CDH20: variants seen among roughly 807,000 people sequenced by gnomAD.
CDH20 encodes the protein cadherin-20.
A neutral mutation model predicts 74.2 loss-of-function variants in CDH20; 29 were observed. The ratio of observed to expected loss-of-function variants is 0.39; its 90% confidence interval spans 0.29 to 0.53. CDH20 has a LOEUF of 0.53. Ranked by LOEUF, CDH20 falls within the 20% of genes least tolerant of loss-of-function variation. The pLI, the probability that CDH20 is intolerant of heterozygous loss-of-function variation, is 0.69. For synonymous variants in CDH20, 469 were observed against 405.4 expected (o/e 1.16, Z -1.88); for missense variants, 988 against 1,048.3 (o/e 0.94, Z 0.79).
intron 1 of CDH20, among the ~76,000 whole-genome samples, chr18:61,368,397 T>G (rs1910928442): frequency 8.4e-6 from 1 of 119,442 alleles, no homozygotes; most frequent in Admixed American, 1.2e-4. Context: ...ATATTTTAGA[T>G]AATTGATAAA....
At chr18:61,435,499 C>A (rs1323544916) in intron 1 of CDH20, among the ~76,000 whole-genome samples, 1 of 151,948 alleles carries the variant, frequency 6.6e-6, no homozygotes, top group Non-Finnish European at 1.5e-5. Context: ...CTAATACAGG[C>A]CAGGCATAAT....
intron 1 of CDH20, among the ~76,000 whole-genome samples, chr18:61,426,476 G>A (rs116623324): frequency 0.013 from 2,014 of 152,290 alleles, 51 homozygotes; most frequent in African/African-American, 0.046. Flanking sequence ...AATAGACCTA[G>A]CAAACTGGCA....
At chr18:61,375,751 C>T (rs1911201544) in intron 1 of CDH20, among the ~76,000 whole-genome samples, 1 of 152,012 alleles carries the variant, frequency 6.6e-6, no homozygotes. Context: ...TAACAGGATA[C>T]CATATGCCAG....
chr18:61,373,256 G>A (rs1287812070), intron 1 of CDH20, among the ~76,000 whole-genome samples: 1 of 150,578 alleles, frequency 6.6e-6, no homozygotes, highest in Non-Finnish European at 1.5e-5. Context: ...CCATCTCAAT[G>A]TATCTAACTT....
chr18:61,519,587 C>A (rs1912118454), intron 6 of CDH20, among the ~76,000 whole-genome samples: 1 of 151,128 alleles, frequency 6.6e-6, no homozygotes, highest in Non-Finnish European at 1.5e-5. Context: ...ATTTTGTCAC[C>A]ACCAGGCCTG....
At chr18:61,499,549 C>A in intron 3 of CDH20, 69 bp downstream of exon 3, 2 of 957,126 alleles carry the variant, frequency 2.1e-6, no homozygotes, top group Non-Finnish European at 3.1e-6. Flanking sequence ...CACACATATG[C>A]ACATGCACAC....
intron 6 of CDH20, among the ~76,000 whole-genome samples, chr18:61,510,054 G>T (rs1021113942): frequency 2.6e-5 from 4 of 152,170 alleles, no homozygotes; most frequent in African/African-American, 9.6e-5. Context: ...TAGACATCAA[G>T]TAGAGACATG....
intron 4 of CDH20, 90 bp downstream of exon 4, chr18:61,500,592 C>T: frequency 7.2e-7 from 1 of 1,382,306 alleles, no homozygotes; most frequent in Non-Finnish European, 9.9e-7. Flanking sequence ...TTTTTAAGGA[C>T]TCTCCAGGGA....
At chr18:61,405,221 G>A in intron 1 of CDH20, 1 of 403,858 alleles carries the variant, frequency 2.5e-6, no homozygotes, top group Non-Finnish European at 4.6e-6. Flanking sequence ...TGCCTTAGGT[G>A]TGGGATGGCC....
At chr18:61,428,633 C>T (rs1599078574) in intron 1 of CDH20, among the ~76,000 whole-genome samples, 1 of 152,182 alleles carries the variant, frequency 6.6e-6, no homozygotes, top group African/African-American at 2.4e-5. Flanking sequence ...TTCCATTGTG[C>T]CTGCCTCATT....
intron 1 of CDH20, among the ~76,000 whole-genome samples, chr18:61,339,989 C>T (rs572251211): frequency 6.6e-6 from 1 of 152,188 alleles, no homozygotes; most frequent in South Asian, 2.1e-4. Flanking sequence ...TGAGCCCGGC[C>T]AGGTCATAGA....
At chr18:61,346,376 TG>T (rs2097031207) in intron 1 of CDH20, among the ~76,000 whole-genome samples, 1 of 152,190 alleles carries the variant, frequency 6.6e-6, no homozygotes, top group Non-Finnish European at 1.5e-5. Context: ...TTTATGCATT[TG>T]ATTCTGGGCA....
chr18:61,469,682 A>G (rs971211243), intron 1 of CDH20, among the ~76,000 whole-genome samples: 12 of 152,244 alleles, frequency 7.9e-5, no homozygotes, highest in African/African-American at 2.9e-4. Context: ...CCTTTGGAGT[A>G]TAAACATACG....
chr18:61,419,851 T>C (rs1226684139), intron 1 of CDH20, among the ~76,000 whole-genome samples: 1 of 152,220 alleles, frequency 6.6e-6, no homozygotes, highest in Non-Finnish European at 1.5e-5. Flanking sequence ...AACTATTACC[T>C]ACCTTGTTCT....
At chr18:61,547,883 T>C (rs1259039511) in intron 10 of CDH20, among the ~76,000 whole-genome samples, 21 of 152,234 alleles carry the variant, frequency 1.4e-4, no homozygotes, top group Non-Finnish European at 7.3e-5. Context: ...GATGCTCTGA[T>C]ATTTTTCTTT....
At chr18:61,367,406 C>T (rs1030015333) in intron 1 of CDH20, among the ~76,000 whole-genome samples, 2 of 152,150 alleles carry the variant, frequency 1.3e-5, no homozygotes, top group Admixed American at 6.5e-5. Context: ...ATTATTATTT[C>T]GTGGCTTGAG....
chr18:61,341,353 CT>C (rs1909941894), intron 1 of CDH20, among the ~76,000 whole-genome samples: 3 of 152,020 alleles, frequency 2.0e-5, no homozygotes, highest in South Asian at 2.1e-4. Flanking sequence ...TGGGGTCCCC[CT>C]TTTTTTAAGG....
intron 10 of CDH20, among the ~76,000 whole-genome samples, chr18:61,547,378 T>C (rs750476300): frequency 1.3e-5 from 2 of 152,126 alleles, no homozygotes; most frequent in Non-Finnish European, 2.9e-5. Flanking sequence ...AGATCTACTG[T>C]CAACTACCTC....
intron 6 of CDH20, among the ~76,000 whole-genome samples, chr18:61,511,782 T>G (rs778526103): frequency 2.0e-5 from 3 of 152,236 alleles, no homozygotes; most frequent in Non-Finnish European, 2.9e-5. Flanking sequence ...GACAGAGTAC[T>G]GTTTTTCACT....
Sources: gnomAD v4.1 joint callset for allele counts (sites outside exome capture counted in the v4.1 genomes callset) on GRCh38, gnomAD v4.1.1 for gene constraint, MANE v1.5 for transcripts, NCBI Gene and HGNC (gene_info 2026-07-23, HGNC 2026-07-21) for gene names.